The following TNPO3 variants were observed in gnomAD, a reference collection of about 807,000 sequenced individuals.
The protein encoded by TNPO3 is transportin-3.
A neutral mutation model predicts 122.8 loss-of-function variants in TNPO3; 65 were observed. The ratio of observed to expected loss-of-function variants is 0.53; its 90% CI spans 0.43 to 0.65. The LOEUF (loss-of-function observed/expected upper bound fraction) is 0.65. TNPO3 is among the 30% of genes least tolerant of loss of function. TNPO3 has a pLI of 0.00. For synonymous variants in TNPO3, 372 were observed against 411.2 expected, an observed-to-expected ratio of 0.90 and a Z score of 1.15; for missense variants, 850 against 1,136.7, an observed-to-expected ratio of 0.75 and a Z score of 3.63.
chr7:128,982,251 A>C lies in TNPO3; in HGVS notation c.1856T>G (p.Phe619Cys). The C allele has an allele frequency of 6.2e-7, 1 of 1,612,592 alleles. No individual in the cohort carries two copies. Among genetic ancestry groups the C allele is most frequent in the South Asian group, 1.1e-5 (1 of 91,038 alleles). ...CATCCAGAGTCTCCTTTCTTACCTA[A>C]ATATCACTGCAAGGCGATCTAAGAA... Reference protein sequence around the residue: ...TVFLDRLAVIFRHTNPIVENG... With the variant: ...TVFLDRLAVICRHTNPIVENG... The change falls in exon 14 of 23, where the codon TTT (phenylalanine) becomes TGT (cysteine). Residue 619 changes from phenylalanine (F) to cysteine (C), a missense_variant. Transcript: ENST00000265388.
chr7:128,966,705 A>G (rs1365142696), intron 21 of TNPO3, among the ~76,000 whole-genome samples: 4 of 152,224 alleles, frequency 2.6e-5, no homozygotes, highest in Admixed American at 2.6e-4. Flanking sequence ...AAAAATATTT[A>G]TATGTTCACA....
At chr7:128,957,796 G>A (rs1333509846) in intron 21 of TNPO3, among the ~76,000 whole-genome samples, 1 of 152,132 alleles carries the variant, frequency 6.6e-6, no homozygotes, top group African/African-American at 2.4e-5. Context: ...GATAGATTTT[G>A]TTTACAAAGG....
chr7:128,990,837 C>A (rs1161797676), intron 10 of TNPO3, among the ~76,000 whole-genome samples: 1 of 152,068 alleles, frequency 6.6e-6, no homozygotes, highest in Non-Finnish European at 1.5e-5. Flanking sequence ...AGAACTTAAT[C>A]CAGAAATGAA....
At chr7:128,960,782 CAG>C (rs1797370810) in intron 21 of TNPO3, among the ~76,000 whole-genome samples, 3 of 151,106 alleles carry the variant, frequency 2.0e-5, no homozygotes, top group South Asian at 4.2e-4. Context: ...TATTTTGAGA[CAG>C]AGTCTCACTC....
chr7:129,005,782 C>CTTTTTTT (rs1186834521), intron 4 of TNPO3, among the ~76,000 whole-genome samples: 1 of 132,266 alleles, frequency 7.6e-6, no homozygotes, highest in Non-Finnish European at 1.6e-5. Flanking sequence ...CTTTTCTTTT[C>CTTTTTTT]TTTTTTTTTT....
chr7:128,998,743 C>T (rs1385213874), intron 7 of TNPO3, among the ~76,000 whole-genome samples: 3 of 151,652 alleles, frequency 2.0e-5, no homozygotes, highest in Non-Finnish European at 2.9e-5. Context: ...AGGCTGGTCT[C>T]GAACTCATGG....
At chr7:128,987,796 C>T (rs1800324560) in intron 11 of TNPO3, among the ~76,000 whole-genome samples, 1 of 151,906 alleles carries the variant, frequency 6.6e-6, no homozygotes, top group East Asian at 1.9e-4. Flanking sequence ...CCAGGCTGGT[C>T]TCAAACTCCT....
chr7:129,000,708 C>T, intron 6 of TNPO3, 141 bp from the exon 7 acceptor site: 6 of 845,236 alleles, frequency 7.1e-6, no homozygotes, highest in Non-Finnish European at 1.1e-5. Flanking sequence ...TATCACAATC[C>T]CCATGACAGA....
At chr7:129,038,824 G>C (rs1807019345) in intron 1 of TNPO3, among the ~76,000 whole-genome samples, 1 of 152,128 alleles carries the variant, frequency 6.6e-6, no homozygotes, top group South Asian at 2.1e-4. Flanking sequence ...GGGACTAACT[G>C]GAGGTAAGAG....
chr7:129,015,582 C>T (rs1803749042), intron 3 of TNPO3, among the ~76,000 whole-genome samples: 1 of 152,168 alleles, frequency 6.6e-6, no homozygotes, highest in South Asian at 2.1e-4. Context: ...TGCTTATGAT[C>T]CCAGCACTTT....
At position 128,972,497 on chromosome 7, in the gene TNPO3, C is replaced by T; in HGVS notation, c.2359G>A (p.Asp787Asn). 2 of 1,614,036 alleles carry T rather than the reference C, an allele frequency of 1.2e-6. No homozygotes were observed. The highest frequency in any genetic ancestry group is 1.7e-6 in the Non-Finnish European group (2 of 1,179,986). ...LQWAIASTTL[D>N]HRDANCSVMR... Reference sequence around the variant, plus strand: ...ACACTACAATTGGCATCCCGGTGGTCCAGGGTAGTAGAGGCAATGGCCCAC... The same window carrying T: ...ACACTACAATTGGCATCCCGGTGGTTCAGGGTAGTAGAGGCAATGGCCCAC... Residue 787 changes from aspartate (D) to asparagine (N), a missense_variant, in exon 19 of 23, where the codon GAC becomes AAC. Transcript: ENST00000265388.
chr7:128,972,529 A>T lies in TNPO3; in HGVS notation c.2327T>A (p.Ile776Asn). ...AGTAGAGGCAATGGCCCACTGTAAG[A>T]TAGGGATGACCACTTGGCTCCGCAG... ...TLLRSQVVIP[I>N]LQWAIASTTL... is the part of the protein sequence containing the mutation. Residue 776 changes from isoleucine to asparagine, a missense_variant, in exon 19 of 23, where the codon ATC becomes AAC. Physicochemically the swap from Ile to Asn is moderately radical, Grantham distance 149. Transcript: ENST00000265388. 1.9e-6 allele frequency: 3 copies of T among 1,614,162 alleles called. No individual in the cohort carries two copies. The highest frequency in any genetic ancestry group is 2.5e-6 in the Non-Finnish European group (3 of 1,180,016).
intron 1 of TNPO3, among the ~76,000 whole-genome samples, chr7:129,052,647 CT>C (rs2150577182): frequency 6.6e-6 from 1 of 152,278 alleles, no homozygotes; most frequent in East Asian, 1.9e-4. Context: ...GTTCCAAGAA[CT>C]TTTCTAACCT....
chr7:129,000,993 A>T, intron 6 of TNPO3, 66 bp downstream of exon 6: 1 of 1,530,698 alleles, frequency 6.5e-7, no homozygotes, highest in East Asian at 2.3e-5. Context: ...GAATAATAAA[A>T]AGTGACTTAA....
At chr7:129,037,558 G>T (rs868441316) in intron 1 of TNPO3, among the ~76,000 whole-genome samples, 2 of 152,100 alleles carry the variant, frequency 1.3e-5, no homozygotes, top group African/African-American at 2.4e-5. Flanking sequence ...GATCACCTTC[G>T]CAGACCAGAT....
chr7:128,982,209 C>T, intron 14 of TNPO3, 39 bp downstream of exon 14: 1 of 1,573,112 alleles, frequency 6.4e-7, no homozygotes, highest in South Asian at 1.1e-5. Flanking sequence ...TCATTTGAGC[C>T]TTTAACCCAA....
intron 13 of TNPO3, among the ~76,000 whole-genome samples, chr7:128,983,387 T>C (rs1340675581): frequency 6.6e-6 from 1 of 152,092 alleles, no homozygotes; most frequent in Admixed American, 6.6e-5. Context: ...TTTGTATTTT[T>C]AGTAGAGACC....
chr7:128,991,259 C>A (rs1800715612), intron 10 of TNPO3, among the ~76,000 whole-genome samples: 1 of 152,200 alleles, frequency 6.6e-6, no homozygotes. Context: ...CAATATGCCA[C>A]TGACGAGGCC....
chr7:128,955,776 G>T (rs1435721816), intron 22 of TNPO3, among the ~76,000 whole-genome samples: 1 of 152,166 alleles, frequency 6.6e-6, no homozygotes, highest in Admixed American at 6.5e-5. Context: ...ACTAATAACA[G>T]TTGAAAACAA....
Sources: allele counts gnomAD v4.1 joint callset (sites outside exome capture counted in the v4.1 genomes callset), GRCh38; gene constraint gnomAD v4.1.1; transcripts MANE v1.5; gene names NCBI Gene and HGNC (gene_info 2026-07-23, HGNC 2026-07-21).